Variants in ASB18 observed in about 807,000 individuals in gnomAD.
ASB18 encodes ankyrin repeat and SOCS box containing 18, also known as ankyrin repeat and SOCS box protein 18.
Under a neutral mutation model 33.4 loss-of-function variants are expected in ASB18, and 33 were observed. That is an observed-to-expected ratio of 0.99 (90% CI 0.75 to 1.32). The LOEUF is 1.32. ASB18 is among the 40% of genes most tolerant of loss of function. ASB18 has a pLI of 0.00. For missense variants in ASB18, 694 were observed against 655.5 expected (o/e 1.06, Z -0.64); for synonymous variants, 295 against 307.6 (o/e 0.96, Z 0.43).
At position 236,238,027 on chromosome 2, in the gene ASB18, A is replaced by C; in HGVS notation, c.329-71T>G. 1 of 1,335,926 alleles carries C rather than the reference A, an allele frequency of 7.5e-7. No individual in the cohort carries two copies. The highest frequency in any genetic ancestry group is 9.7e-7 in the Non-Finnish European group (1 of 1,028,290). 82.8% of individuals were successfully genotyped at this position (1,335,926 alleles called of 1,614,324 possible). The stretch of plus-strand genomic sequence containing the variant: ...TGGTGGTGGTGGGCGGTGTTCCTTA[A>C]GGCGGAAAGAAAGTGAAGCCGTCTC... On this transcript the variant is annotated intron_variant, in intron 2 of 5. Transcript: ENST00000409749. The surrounding 1 kb of genome is among the most constrained non-coding windows in gnomAD (Gnocchi z 5.2).
chr2:236,224,485 G>GT (rs1559332339), intron 3 of ASB18, among the ~76,000 whole-genome samples: 1 of 152,130 alleles, frequency 6.6e-6, no homozygotes, highest in African/African-American at 2.4e-5. Context: ...GGACACACTT[G>GT]TAACACAGCA....
chr2:236,195,554 C>T lies in ASB18; in HGVS notation c.1216-497G>A, dbSNP rs539465376. Among the ~76,000 whole-genome samples the T allele has an allele frequency of 5.4e-4, 81 of 150,966 alleles. No individual in the cohort carries two copies. Among genetic ancestry groups the T allele is most frequent in the African/African-American group, 1.9e-3 (78 of 41,036 alleles). Reference sequence around the variant, plus strand: ...TTTTTGAGATGGAGTCTAGCTCTGTCACCCAGGCTGGAGTGCAGTGGCGTG... The same window carrying T: ...TTTTTGAGATGGAGTCTAGCTCTGTTACCCAGGCTGGAGTGCAGTGGCGTG... On this transcript the variant is annotated intron_variant, in intron 5 of 5. Coordinates refer to ENST00000409749, the MANE Select transcript of ASB18 (RefSeq NM_212556.4). This position sits in a 1 kb window ranked among gnomAD's most constrained non-coding sequence, Gnocchi z 5.5.
rs1052430306 is a variant in ASB18, at chr2:236,221,187, C to T, written c.597-6321G>A. ...CACTATCCAGTGGTGAATACAAGGA[C>T]TCCACAACCACCAAAAGATGATGCT... On this transcript the variant is annotated intron_variant, in intron 3 of 5. Transcript: ENST00000409749. The surrounding 1 kb of genome is among the most constrained non-coding windows in gnomAD (Gnocchi z 5.6). Among the ~76,000 whole-genome samples, 3 of 151,746 alleles carry T rather than the reference C, an allele frequency of 2.0e-5. No homozygotes were observed. The highest frequency in any genetic ancestry group is 2.9e-5 in the Non-Finnish European group (2 of 68,020).
At chr2:236,233,613 A>G (rs1203337728) in intron 3 of ASB18, among the ~76,000 whole-genome samples, 1 of 152,198 alleles carries the variant, frequency 6.6e-6, no homozygotes, top group Non-Finnish European at 1.5e-5. Flanking sequence ...TATAAATTTC[A>G]TATAGTAGTT....
chr2:236,248,013 G>C lies in ASB18; in HGVS notation c.206-6611C>G, dbSNP rs2060652348. The C allele has an allele frequency of 6.6e-6, 1 of 152,180 alleles. No individual in the cohort carries two copies. The highest frequency in any genetic ancestry group is 2.1e-4 in the South Asian group (1 of 4,826). 9.4% of individuals were successfully genotyped at this position (152,180 alleles called of 1,614,324 possible). A position where few individuals can be genotyped will look rare whatever the true frequency, so the allele number is the denominator to read the frequency against. On this transcript the variant is annotated intron_variant, in intron 1 of 5. Transcript: ENST00000409749. The surrounding 1 kb of genome is among the most constrained non-coding windows in gnomAD (Gnocchi z 4.9). ...GGACTAGAATTTTCTTTTGTGACAGGGTTATCATAAATATGCAGACGGGGT... is the reference window on the plus strand; with the variant it reads ...GGACTAGAATTTTCTTTTGTGACAGCGTTATCATAAATATGCAGACGGGGT...
In ASB18 at chr2:236,195,469, CAT is replaced by C. The variant is rs1466943801; in HGVS notation, c.1216-414_1216-413del. ...TTGGTCTGGTGGTCAGTCATGCACA[CAT>C]GACTCAAGTCAGTGAAACAGAAAAA... On this transcript the variant is annotated intron_variant, in intron 5 of 5. Transcript: ENST00000409749. The surrounding 1 kb of genome is among the most constrained non-coding windows in gnomAD (Gnocchi z 5.5). 4.7e-5 allele frequency among the ~76,000 whole-genome samples: 7 copies of C among 149,700 alleles called. No homozygotes were observed. Among genetic ancestry groups the C allele is most frequent in the East Asian group, 1.9e-4 (1 of 5,170 alleles).
At position 236,220,029 on chromosome 2, in the gene ASB18, A is replaced by G. The variant is rs551649584; in HGVS notation, c.597-5163T>C. Among the ~76,000 whole-genome samples the G allele has an allele frequency of 6.6e-6, 1 of 152,328 alleles. No homozygotes were observed. The highest frequency in any genetic ancestry group is 1.9e-4 in the East Asian group (1 of 5,192). On this transcript the variant is annotated intron_variant, in intron 3 of 5. Transcript: ENST00000409749. This position sits in a 1 kb window ranked among gnomAD's most constrained non-coding sequence, Gnocchi z 5.1. ...TGGGTGCCTCATCTCTGTTTTCGATAATGACTGCAATGACAGGTTGTTACA... is the reference window on the plus strand; with the variant it reads ...TGGGTGCCTCATCTCTGTTTTCGATGATGACTGCAATGACAGGTTGTTACA...
rs771157354 is a variant in ASB18, at chr2:236,214,405, A to G, written c.1058T>C (p.Leu353Pro). 6.4e-7 allele frequency: 1 copy of G among 1,573,994 alleles called. No homozygotes were observed. Among genetic ancestry groups the G allele is most frequent in the Non-Finnish European group, 8.6e-7 (1 of 1,165,886 alleles). ...ASPQRTVQAL[L>P]NHGSPTVWPD... ...CCACACGGTGGGAGAGCCGTGGTTG[A>G]GCAGCGCCTGCACCGTGCGCTGCGG... is the stretch of plus-strand genomic sequence containing the variant. Residue 353 changes from leucine (L) to proline (P), a missense_variant, in exon 4 of 6, where the codon CTC becomes CCC. By Grantham distance (98) the Leu-to-Pro change is moderately conservative (BLOSUM62 -3). Transcript: ENST00000409749. This position sits in a 1 kb window ranked among gnomAD's most constrained non-coding sequence, Gnocchi z 6.5.
chr2:236,232,452 CCAATGAAACT>C (rs1576404571), intron 3 of ASB18, among the ~76,000 whole-genome samples: 1 of 151,634 alleles, frequency 6.6e-6, no homozygotes, highest in Admixed American at 6.6e-5. Flanking sequence ...AAAAGAAGAG[CCAATGAAACT>C]CAATGTGAGC....
intron 1 of ASB18, among the ~76,000 whole-genome samples, chr2:236,258,100 G>T (rs2060700876): frequency 6.6e-6 from 1 of 152,214 alleles, no homozygotes; most frequent in Admixed American, 6.5e-5. Flanking sequence ...TCGTAAACCA[G>T]CTTCCTATGC....
chr2:236,214,106 C>T lies in ASB18; in HGVS notation c.1101+256G>A. On this transcript the variant is annotated intron_variant, in intron 4 of 5. Coordinates refer to ENST00000409749, the MANE Select transcript of ASB18 (RefSeq NM_212556.4). The surrounding 1 kb of genome is among the most constrained non-coding windows in gnomAD (Gnocchi z 6.5). ...GCAACCCCTTAATTGTCTCGTGGCTCTAACCAGAAGGCTTCTAGGCCCCTG... is the reference window on the plus strand; with the variant it reads ...GCAACCCCTTAATTGTCTCGTGGCTTTAACCAGAAGGCTTCTAGGCCCCTG... 3.9e-6 allele frequency: 2 copies of T among 509,218 alleles called. No homozygotes were observed. Among genetic ancestry groups the T allele is most frequent in the Non-Finnish European group, 6.9e-6 (2 of 290,630 alleles). 31.5% of individuals were successfully genotyped at this position (509,218 alleles called of 1,614,324 possible). A position where few individuals can be genotyped will look rare whatever the true frequency, so the allele number is the denominator to read the frequency against.
rs1199950597 is a variant in ASB18 at position 236,226,933 on chromosome 2, T to C, written c.596+10756A>G. ...CCCAGCTTCCCCTAAAGTTAATATC[T>C]AATATTATTATGGTATATTTGTCAA... On this transcript the variant is annotated intron_variant, in intron 3 of 5. Coordinates refer to ENST00000409749, the MANE Select transcript of ASB18 (RefSeq NM_212556.4). This position sits in a 1 kb window ranked among gnomAD's most constrained non-coding sequence, Gnocchi z 4.8. 6.6e-6 allele frequency among the ~76,000 whole-genome samples: 1 copy of C among 152,204 alleles called. No homozygotes were observed. Among genetic ancestry groups the C allele is most frequent in the Non-Finnish European group, 1.5e-5 (1 of 68,034 alleles).
At position 236,215,852 on chromosome 2, in the gene ASB18, T is replaced by G. The variant is rs1006045039; in HGVS notation, c.597-986A>C. ...GCCATCGATAAGGCCGCTCCAGCCT[T>G]GGAAGTCTGCAAACATGCCGACTTC... On this transcript the variant is annotated intron_variant, in intron 3 of 5. Transcript: ENST00000409749. This position sits in a 1 kb window ranked among gnomAD's most constrained non-coding sequence, Gnocchi z 7.2. Among the ~76,000 whole-genome samples, 2 of 152,188 alleles carry G rather than the reference T, an allele frequency of 1.3e-5. No homozygotes were observed. Among genetic ancestry groups the G allele is most frequent in the Admixed American group, 1.3e-4 (2 of 15,288 alleles).
chr2:236,240,121 ACTAT>A (rs1289018190), intron 2 of ASB18, among the ~76,000 whole-genome samples: 1 of 152,212 alleles, frequency 6.6e-6, no homozygotes, highest in Non-Finnish European at 1.5e-5. Flanking sequence ...GGTGAACATG[ACTAT>A]CTATTTGAAA....
rs938877581 is a variant in ASB18, at chr2:236,259,022, C to G, written c.205+5119G>C. On this transcript the variant is annotated intron_variant, in intron 1 of 5. Coordinates refer to ENST00000409749, the MANE Select transcript of ASB18 (RefSeq NM_212556.4). The surrounding 1 kb of genome is among the most constrained non-coding windows in gnomAD (Gnocchi z 4.4). The stretch of plus-strand genomic sequence containing the variant: ...TGATTACACCAGTTACCAAATTGTA[C>G]AGTTGATGCATTTGGGGGGCGAGAT... Among the ~76,000 whole-genome samples the G allele has an allele frequency of 2.0e-5, 3 of 152,132 alleles. No homozygotes were observed. Among genetic ancestry groups the G allele is most frequent in the Non-Finnish European group, 2.9e-5 (2 of 68,022 alleles).
rs2060725174 is a variant in ASB18, at chr2:236,262,744, G to A, written c.205+1397C>T. Reference sequence around the variant, plus strand: ...AGAGAGATGGAAGGTACCAAGTTTGGGATCATGGCTCCTGGGCCTATGGAC... The same window carrying A: ...AGAGAGATGGAAGGTACCAAGTTTGAGATCATGGCTCCTGGGCCTATGGAC... On this transcript the variant is annotated intron_variant, in intron 1 of 5. Transcript: ENST00000409749. The surrounding 1 kb of genome is among the most constrained non-coding windows in gnomAD (Gnocchi z 5.2). Among the ~76,000 whole-genome samples, 1 of 152,150 alleles carries A rather than the reference G, an allele frequency of 6.6e-6. No individual in the cohort carries two copies. The highest frequency in any genetic ancestry group is 2.4e-5 in the African/African-American group (1 of 41,426).
rs1275659257 is a variant in ASB18 at position 236,196,772 on chromosome 2, G to C, written c.1102-387C>G. ...TAGGAGGAAGTTTGGCCCGAGGATG[G>C]TGTTCCCAATTTCTTACCTCAATTT... On this transcript the variant is annotated intron_variant, in intron 4 of 5. Coordinates refer to ENST00000409749, the MANE Select transcript of ASB18 (RefSeq NM_212556.4). The surrounding 1 kb of genome is among the most constrained non-coding windows in gnomAD (Gnocchi z 5.6). 2.6e-5 allele frequency among the ~76,000 whole-genome samples: 4 copies of C among 152,186 alleles called. No homozygotes were observed. The highest frequency in any genetic ancestry group is 4.4e-5 in the Non-Finnish European group (3 of 68,028).
intron 1 of ASB18, among the ~76,000 whole-genome samples, chr2:236,247,107 G>GT (rs2060648590): frequency 6.9e-6 from 1 of 144,842 alleles, no homozygotes; most frequent in Non-Finnish European, 1.5e-5. Flanking sequence ...GCAAGGTGTA[G>GT]TAGTCAAGAA....
rs899407206 is a variant in ASB18, at chr2:236,216,032, G to A, written c.597-1166C>T. Among the ~76,000 whole-genome samples the A allele has an allele frequency of 2.0e-5, 3 of 152,106 alleles. No individual in the cohort carries two copies. The highest frequency in any genetic ancestry group is 7.2e-5 in the African/African-American group (3 of 41,418). ...CAGCACTGTGGTCACCTCGTCATCT[G>A]CATCCTCAGTTCCCTTGAATGGAGG... On this transcript the variant is annotated intron_variant, in intron 3 of 5. Transcript: ENST00000409749. The surrounding 1 kb of genome is among the most constrained non-coding windows in gnomAD (Gnocchi z 6.1).
Sources: allele counts gnomAD v4.1 joint callset (sites outside exome capture counted in the v4.1 genomes callset), GRCh38; gene constraint gnomAD v4.1.1; non-coding constraint Gnocchi (gnomAD v3.1); transcripts MANE v1.5; gene names NCBI Gene and HGNC (gene_info 2026-07-23, HGNC 2026-07-21).